FBXL7: variants seen among roughly 807,000 people sequenced by gnomAD.
FBXL7 encodes the protein F-box/LRR-repeat protein 7.
A neutral mutation model predicts 38.3 loss-of-function variants in FBXL7; 12 were observed. The observed-to-expected ratio is 0.31, with a 90% CI of 0.20 to 0.51. The LOEUF is 0.51. Among genes scored for constraint, FBXL7 ranks in the 20% least tolerant of loss-of-function variants. The pLI, the probability that FBXL7 is intolerant of heterozygous loss-of-function variation, is 0.98. For synonymous variants in FBXL7, 297 were observed against 300.9 expected (o/e 0.99, Z 0.13); for missense variants, 567 against 676.4 (o/e 0.84, Z 1.79).
intron 2 of FBXL7, among the ~76,000 whole-genome samples, chr5:15,616,360 T>A (rs549201551): frequency 9.8e-5 from 15 of 152,318 alleles, no homozygotes; most frequent in African/African-American, 3.1e-4. Context: ...CAATATCATA[T>A]ACCTTGTCTT....
intron 1 of FBXL7, among the ~76,000 whole-genome samples, chr5:15,511,393 G>A (rs1320532466): frequency 1.3e-5 from 2 of 152,166 alleles, no homozygotes; most frequent in African/African-American, 4.8e-5. Context: ...CGCTGAAACA[G>A]CCCTTTACCT....
At chr5:15,716,368 G>A (rs1262418631) in intron 2 of FBXL7, among the ~76,000 whole-genome samples, 1 of 152,222 alleles carries the variant, frequency 6.6e-6, no homozygotes, top group Non-Finnish European at 1.5e-5. Flanking sequence ...AATGTGGCAA[G>A]TTTAACTTGC....
At chr5:15,912,451 T>A (rs1385107754) in intron 2 of FBXL7, among the ~76,000 whole-genome samples, 1 of 148,162 alleles carries the variant, frequency 6.7e-6, no homozygotes, top group Non-Finnish European at 1.5e-5. Context: ...ATGAACCCGG[T>A]ACCTCAGATG....
intron 2 of FBXL7, among the ~76,000 whole-genome samples, chr5:15,627,812 A>G (rs1429950634): frequency 6.6e-6 from 1 of 152,180 alleles, no homozygotes; most frequent in Non-Finnish European, 1.5e-5. Context: ...GACCTTAACA[A>G]TCTAGTTAAC....
intron 2 of FBXL7, among the ~76,000 whole-genome samples, chr5:15,814,176 C>T (rs986450124): frequency 2.0e-5 from 3 of 152,100 alleles, no homozygotes; most frequent in African/African-American, 7.2e-5. Context: ...TGGAACCAAC[C>T]CAAATGCCCA....
chr5:15,566,678 T>C (rs1738582814), intron 1 of FBXL7, among the ~76,000 whole-genome samples: 1 of 152,142 alleles, frequency 6.6e-6, no homozygotes, highest in Admixed American at 6.6e-5. Context: ...CGCAAATGAA[T>C]AAATAATACT....
Position 15,732,113 on chromosome 5 carries a change from G to A in FBXL7, c.127+116041G>A, listed in dbSNP as rs1375166893. Among the ~76,000 whole-genome samples, 8 of 152,114 alleles carry A rather than the reference G, an allele frequency of 5.3e-5. No individual in the cohort carries two copies. In the East Asian group the frequency reaches 5.8e-4, roughly 11 times the overall value. On this transcript the variant is annotated intron_variant, in intron 2 of 3. Transcript: ENST00000504595. The stretch of plus-strand genomic sequence containing the variant: ...CTTTTATATGTTTTTCCCCAGACAC[G>A]GTATAAAATTTAGTATTTAAAGGTT...
intron 2 of FBXL7, among the ~76,000 whole-genome samples, chr5:15,917,352 C>G (rs983226997): frequency 6.6e-6 from 1 of 152,112 alleles, no homozygotes; most frequent in Non-Finnish European, 1.5e-5. Context: ...AAAATCACAC[C>G]TGTAATCCCA....
chr5:15,641,237 C>CATG (rs1741360416), intron 2 of FBXL7, among the ~76,000 whole-genome samples: 1 of 152,206 alleles, frequency 6.6e-6, no homozygotes, highest in South Asian at 2.1e-4. Context: ...TAAACCTTTC[C>CATG]ATGAGACTGA....
At chr5:15,764,384 A>G (rs931662729) in intron 2 of FBXL7, among the ~76,000 whole-genome samples, 2 of 152,212 alleles carry the variant, frequency 1.3e-5, no homozygotes, top group African/African-American at 2.4e-5. Flanking sequence ...ATTTTCTCAA[A>G]CTGAGATGAG....
chr5:15,562,108 A>G (rs566158486), intron 1 of FBXL7, among the ~76,000 whole-genome samples: 5 of 152,242 alleles, frequency 3.3e-5, no homozygotes, highest in African/African-American at 1.2e-4. Context: ...ATCTTACACC[A>G]TACGTCAGTT....
chr5:15,936,538 C>T lies in FBXL7; in HGVS notation c.828C>T (p.Tyr276=), dbSNP rs2126474133. ...PLHGKQISIR[Y]LDMTDCFVLE... The stretch of plus-strand genomic sequence containing the variant: ...ATGGCAAACAGATTTCCATCCGCTA[C>T]CTGGACATGACGGACTGCTTCGTGC... Residue 276 remains tyrosine, a synonymous_variant, in exon 4 of 4, where the codon TAC becomes TAT. Coordinates refer to ENST00000504595, the MANE Select transcript of FBXL7 (RefSeq NM_012304.5). This position sits in a 1 kb window ranked among gnomAD's most constrained non-coding sequence, Gnocchi z 6.0. 3 of 1,613,620 alleles carry T rather than the reference C, an allele frequency of 1.9e-6. No homozygotes were observed. The highest frequency in any genetic ancestry group is 1.6e-4 in the Middle Eastern group (1 of 6,062).
At chr5:15,673,010 G>T (rs1024504078) in intron 2 of FBXL7, among the ~76,000 whole-genome samples, 1 of 152,162 alleles carries the variant, frequency 6.6e-6, no homozygotes, top group South Asian at 2.1e-4. Flanking sequence ...ACGGTATTCC[G>T]TGGAGTTTCC....
intron 2 of FBXL7, among the ~76,000 whole-genome samples, chr5:15,759,579 G>A (rs866675305): frequency 3.3e-5 from 5 of 151,910 alleles, no homozygotes; most frequent in African/African-American, 4.8e-5. Context: ...TTAAATTTCC[G>A]GACTCGGTCG....
At chr5:15,546,623 T>C (rs529435437) in intron 1 of FBXL7, among the ~76,000 whole-genome samples, 2 of 151,986 alleles carry the variant, frequency 1.3e-5, no homozygotes. Flanking sequence ...TCCAGCTACT[T>C]GGGAGGCTGA....
At chr5:15,885,723 T>A (rs1740648665) in intron 2 of FBXL7, among the ~76,000 whole-genome samples, 1 of 152,182 alleles carries the variant, frequency 6.6e-6, no homozygotes, top group Non-Finnish European at 1.5e-5. Flanking sequence ...CATTTTTTTT[T>A]ATTTTTTTGA....
At chr5:15,645,029 T>C (rs1741487318) in intron 2 of FBXL7, among the ~76,000 whole-genome samples, 2 of 152,238 alleles carry the variant, frequency 1.3e-5, no homozygotes, top group African/African-American at 2.4e-5. Flanking sequence ...GGCTAAATGA[T>C]ATACAAGGCT....
At chr5:15,582,467 C>A (rs1739174347) in intron 1 of FBXL7, among the ~76,000 whole-genome samples, 1 of 152,184 alleles carries the variant, frequency 6.6e-6, no homozygotes, top group Non-Finnish European at 1.5e-5. Flanking sequence ...ATATGCCACT[C>A]CATACCTGTG....
intron 1 of FBXL7, among the ~76,000 whole-genome samples, chr5:15,570,081 G>C (rs1201895271): frequency 6.6e-6 from 1 of 152,178 alleles, no homozygotes; most frequent in Non-Finnish European, 1.5e-5. Context: ...CCAGGCTTTG[G>C]TATCAGGATG....
Sources: allele counts gnomAD v4.1 joint callset (sites outside exome capture counted in the v4.1 genomes callset), GRCh38; gene constraint gnomAD v4.1.1; non-coding constraint Gnocchi (gnomAD v3.1); transcripts MANE v1.5; gene names NCBI Gene and HGNC (gene_info 2026-07-23, HGNC 2026-07-21).